The following DTD1 variants were observed in gnomAD, a reference collection of about 807,000 sequenced individuals.
The protein encoded by DTD1 is D-aminoacyl-tRNA deacylase 1.
In DTD1, 13 loss-of-function variants were observed where a neutral mutation model predicts 25.6. The observed-to-expected ratio is 0.51, with a 90% CI of 0.33 to 0.81. The LOEUF is 0.81. Among genes scored for constraint, DTD1 ranks in the 30% least tolerant of loss-of-function variants. The probability of loss-of-function intolerance (pLI) is 0.02; values close to 1 mark genes in which losing one functional copy is unlikely to be tolerated. For missense variants in DTD1, 193 were observed against 266.4 expected (o/e 0.72, Z 1.92); for synonymous variants, 110 against 103.6 (o/e 1.06, Z -0.37).
intron 4 of DTD1, among the ~76,000 whole-genome samples, chr20:18,693,683 G>A (rs1449290004): frequency 4.7e-5 from 7 of 149,820 alleles, no homozygotes; most frequent in African/African-American, 1.2e-4. Flanking sequence ...ATTGTCTTCC[G>A]CATGGATCAC....
At chr20:18,654,276 G>T (rs2060884284) in intron 4 of DTD1, among the ~76,000 whole-genome samples, 1 of 152,168 alleles carries the variant, frequency 6.6e-6, no homozygotes, top group African/African-American at 2.4e-5. Flanking sequence ...TTTATAAAGG[G>T]CAGTTCCCCT....
At position 18,603,763 on chromosome 20, in the gene DTD1, G is replaced by A. The variant is rs1216148167; in HGVS notation, c.370+7522G>A. On this transcript the variant is annotated intron_variant, in intron 3 of 5. Coordinates refer to ENST00000377452, the MANE Select transcript of DTD1 (RefSeq NM_080820.6). ...CACAATATACCAGAATCTCTGGGAC[G>A]CATTCAAAGCAGTGTGTAGAGGGAA... 1.9e-4 allele frequency among the ~76,000 whole-genome samples: 24 copies of A among 124,898 alleles called. 1 individual carries two copies. The highest frequency in any genetic ancestry group is 3.4e-4 in the Non-Finnish European group (20 of 57,974). The allele number at this position is 124,898 out of a possible 152,430, so 81.9% of individuals were successfully genotyped here.
intron 4 of DTD1, among the ~76,000 whole-genome samples, chr20:18,700,202 G>C (rs777365676): frequency 6.6e-6 from 1 of 152,200 alleles, no homozygotes; most frequent in Non-Finnish European, 1.5e-5. Flanking sequence ...CATGACTACT[G>C]ATGCTGACCT....
intron 4 of DTD1, among the ~76,000 whole-genome samples, chr20:18,701,607 A>G (rs2061105500): frequency 2.0e-5 from 3 of 152,318 alleles, no homozygotes; most frequent in African/African-American, 7.2e-5. Context: ...AGCTGAATGC[A>G]CCCAGGGAGT....
intron 5 of DTD1, among the ~76,000 whole-genome samples, chr20:18,760,396 C>T (rs187247975): frequency 1.2e-4 from 19 of 152,262 alleles, no homozygotes; most frequent in South Asian, 1.2e-3. Flanking sequence ...ATGATGGTGA[C>T]GTACAGATAG....
intron 4 of DTD1, chr20:18,691,818 T>C (rs941334802): frequency 1.3e-5 from 2 of 152,194 alleles, no homozygotes; most frequent in African/African-American, 2.4e-5. Context: ...GGCTACCATA[T>C]TGGACAGTGC....
At chr20:18,686,430 T>TA (rs1373320367) in intron 4 of DTD1, among the ~76,000 whole-genome samples, 1 of 152,254 alleles carries the variant, frequency 6.6e-6, no homozygotes, top group Non-Finnish European at 1.5e-5. Context: ...TATATTGTTT[T>TA]ATATATAGTT....
At chr20:18,653,400 A>G (rs2060880878) in intron 4 of DTD1, among the ~76,000 whole-genome samples, 2 of 152,224 alleles carry the variant, frequency 1.3e-5, no homozygotes, top group Non-Finnish European at 1.5e-5. Context: ...TCTCAAGACA[A>G]ACAAACAGAC....
intron 4 of DTD1, among the ~76,000 whole-genome samples, chr20:18,684,718 T>G (rs149070241): frequency 6.6e-6 from 1 of 152,300 alleles, no homozygotes; most frequent in East Asian, 1.9e-4. Flanking sequence ...TCCTATGATC[T>G]TAGTTTATTG....
chr20:18,634,621 A>G (rs748454946), intron 4 of DTD1, among the ~76,000 whole-genome samples: 18 of 152,190 alleles, frequency 1.2e-4, no homozygotes, highest in African/African-American at 3.1e-4. Flanking sequence ...TTCTCTGTAT[A>G]CTTGTCTTAT....
At chr20:18,759,242 C>G (rs6132110) in intron 5 of DTD1, among the ~76,000 whole-genome samples, 89,512 of 151,940 alleles carry the variant, frequency 0.59, 26,868 homozygotes, top group Non-Finnish European at 0.63. Context: ...TCACATTTAA[C>G]GTTAATATTG....
chr20:18,685,766 C>G (rs1452442027), intron 4 of DTD1, among the ~76,000 whole-genome samples: 1 of 152,176 alleles, frequency 6.6e-6, no homozygotes, highest in Non-Finnish European at 1.5e-5. Flanking sequence ...TGTGACATCC[C>G]AAATGTACCT....
chr20:18,757,402 G>T (rs2061343543), intron 5 of DTD1, among the ~76,000 whole-genome samples: 1 of 152,178 alleles, frequency 6.6e-6, no homozygotes, highest in African/African-American at 2.4e-5. Flanking sequence ...GATATTAGCT[G>T]TGGGTTTGTC....
chr20:18,629,499 C>T (rs1266235336), intron 4 of DTD1, among the ~76,000 whole-genome samples: 1 of 151,744 alleles, frequency 6.6e-6, no homozygotes, highest in African/African-American at 2.4e-5. Context: ...GGAGTTTTAC[C>T]ATGTTGCCCA....
intron 4 of DTD1, among the ~76,000 whole-genome samples, chr20:18,645,615 C>T (rs2060847317): frequency 6.6e-6 from 1 of 152,214 alleles, no homozygotes; most frequent in Admixed American, 6.5e-5. Flanking sequence ...AAAGGAACCA[C>T]AGAGGTTTCT....
At chr20:18,667,759 G>A (rs532531974) in intron 4 of DTD1, among the ~76,000 whole-genome samples, 11 of 152,254 alleles carry the variant, frequency 7.2e-5, no homozygotes, top group Non-Finnish European at 1.2e-4. Context: ...TGTTTGCCAG[G>A]TTTCCACAGA....
At chr20:18,603,101 CA>C (rs569064242) in intron 3 of DTD1, among the ~76,000 whole-genome samples, 2 of 96,086 alleles carry the variant, frequency 2.1e-5, no homozygotes, top group East Asian at 4.8e-4. Context: ...AAATGGAAAA[CA>C]AAAAAGGCAG....
intron 4 of DTD1, among the ~76,000 whole-genome samples, chr20:18,648,120 G>T (rs2060857201): frequency 6.6e-6 from 1 of 152,150 alleles, no homozygotes; most frequent in African/African-American, 2.4e-5. Flanking sequence ...TCATATTATA[G>T]ATAAAGGACC....
At chr20:18,650,516 C>G (rs1371106192) in intron 4 of DTD1, among the ~76,000 whole-genome samples, 2 of 152,236 alleles carry the variant, frequency 1.3e-5, no homozygotes, top group African/African-American at 4.8e-5. Flanking sequence ...TGCAGCTGCC[C>G]TGCACTGAAC....
Sources: allele counts gnomAD v4.1 joint callset (sites outside exome capture counted in the v4.1 genomes callset), GRCh38; gene constraint gnomAD v4.1.1; transcripts MANE v1.5; gene names NCBI Gene and HGNC (gene_info 2026-07-23, HGNC 2026-07-21).